Variants in PRDM6 observed in about 807,000 individuals in gnomAD.
PRDM6 encodes the protein putative histone-lysine N-methyltransferase PRDM6.
A neutral mutation model predicts 60.8 loss-of-function variants in PRDM6; 25 were observed. The observed-to-expected ratio is 0.41, with a 90% confidence interval of 0.30 to 0.57. The LOEUF is 0.57. Ranked by LOEUF, PRDM6 falls within the 20% of genes least tolerant of loss-of-function variation. PRDM6 has a pLI of 0.27. For missense variants in PRDM6, 839 were observed against 821.3 expected, an observed-to-expected ratio of 1.02 and a Z score of -0.26; for synonymous variants, 407 against 357.4, an observed-to-expected ratio of 1.14 and a Z score of -1.57.
At chr5:123,156,462 G>A (rs1273130819) in intron 4 of PRDM6, among the ~76,000 whole-genome samples, 2 of 152,158 alleles carry the variant, frequency 1.3e-5, no homozygotes, top group Admixed American at 6.5e-5. Context: ...CCAAGAACTC[G>A]CTACCTTCCC....
rs1766306886 is a variant in PRDM6 at position 123,187,174 on chromosome 5, G to C, written c.1761G>C (p.Glu587Asp). Reference protein sequence around the residue: ...RMPNECKPITESPESIEVD With the variant: ...RMPNECKPITDSPESIEVD ...CCAATGAGTGCAAGCCAATAACTGA[G>C]AGCCCAGAATCAATCGAAGTGGATT... The change falls in exon 8 of 8, where the codon GAG (glutamate) becomes GAC (aspartate). Residue 587 changes from glutamate to aspartate, a missense_variant. Glu to Asp is a conservative substitution (Grantham distance 45, BLOSUM62 2). Transcript: ENST00000407847. The C allele has an allele frequency of 3.2e-6, 5 of 1,551,326 alleles. No homozygotes were observed. Among genetic ancestry groups the C allele is most frequent in the Non-Finnish European group, 4.4e-6 (5 of 1,146,808 alleles).
chr5:123,119,084 T>G (rs1764521459), intron 3 of PRDM6, among the ~76,000 whole-genome samples: 1 of 152,098 alleles, frequency 6.6e-6, no homozygotes, highest in Non-Finnish European at 1.5e-5. Flanking sequence ...ATGGTGTTCA[T>G]ATGATAGTAG....
In PRDM6 at chr5:123,096,654, T is replaced by C. The variant is rs1763965838; in HGVS notation, c.593-3000T>C. 3.3e-5 allele frequency among the ~76,000 whole-genome samples: 5 copies of C among 152,372 alleles called. No individual in the cohort carries two copies. In the South Asian group the frequency reaches 1.0e-3, roughly 32 times the overall value. ...GACTAATTAAAGTTGATTGACTTTG[T>C]CTAGCCTGCTGTGGACCTAACACAC... On this transcript the variant is annotated intron_variant, in intron 2 of 7. Coordinates refer to ENST00000407847, the MANE Select transcript of PRDM6 (RefSeq NM_001136239.4).
intron 7 of PRDM6, among the ~76,000 whole-genome samples, chr5:123,186,137 G>A (rs141702883): frequency 1.4e-4 from 21 of 152,310 alleles, no homozygotes; most frequent in African/African-American, 5.1e-4. Flanking sequence ...CGCTGTCTGT[G>A]CCCAGCCAGC....
chr5:123,178,566 C>A (rs1182160440), intron 6 of PRDM6, among the ~76,000 whole-genome samples: 2 of 152,002 alleles, frequency 1.3e-5, no homozygotes, highest in African/African-American at 4.8e-5. Context: ...AACTCCTTAC[C>A]AAAGACTTTT....
At chr5:123,182,663 T>G (rs1766190800) in intron 7 of PRDM6, among the ~76,000 whole-genome samples, 1 of 152,246 alleles carries the variant, frequency 6.6e-6, no homozygotes, top group Non-Finnish European at 1.5e-5. Flanking sequence ...CTTTGCTGAT[T>G]GTATTTTTCC....
chr5:123,146,940 TAATA>T (rs1402678266), intron 3 of PRDM6, among the ~76,000 whole-genome samples: 3 of 152,194 alleles, frequency 2.0e-5, no homozygotes, highest in African/African-American at 7.2e-5. Flanking sequence ...AAATGGCACT[TAATA>T]AATAAAAGAA....
At chr5:123,142,889 A>AAC in intron 3 of PRDM6, among the ~76,000 whole-genome samples, 1 of 148,818 alleles carries the variant, frequency 6.7e-6, no homozygotes, top group Non-Finnish European at 1.5e-5. Context: ...AAAAAAAAAA[A>AAC]AAAAAAAAAA....
In PRDM6 at chr5:123,180,172, C is replaced by G; in HGVS notation, c.1522C>G (p.Gln508Glu). The G allele has an allele frequency of 6.4e-7, 1 of 1,551,338 alleles. No individual in the cohort carries two copies. The highest frequency in any genetic ancestry group is 8.7e-7 in the Non-Finnish European group (1 of 1,146,540). ...ACCCTACCAATGCGGCCACTGCTCC[C>G]AGTCCTTTTCCCAGCCTTCAGAACT... ...DRPYQCGHCSQSFSQPSELRN... is the reference protein window; with the variant it reads ...DRPYQCGHCSESFSQPSELRN... Residue 508 changes from glutamine to glutamate, a missense_variant, in exon 7 of 8, where the codon CAG becomes GAG. Physicochemically the swap from Gln to Glu is conservative, Grantham distance 29 (BLOSUM62 2). This residue lies in a region of PRDM6 where 109 missense variants were observed against 172.6 expected (regional missense o/e 0.63). Coordinates refer to ENST00000407847, the MANE Select transcript of PRDM6 (RefSeq NM_001136239.4).
At position 123,187,356 on chromosome 5, in the gene PRDM6, C is replaced by A; in HGVS notation, c.*155C>A. The A allele has an allele frequency of 1.8e-6, 1 of 545,352 alleles. No homozygotes were observed. 33.8% of individuals were successfully genotyped at this position (545,352 alleles called of 1,614,324 possible). On this transcript the variant is annotated 3_prime_UTR_variant, in exon 8 of 8. Coordinates refer to ENST00000407847, the MANE Select transcript of PRDM6 (RefSeq NM_001136239.4). ...AAGTAAGATGTTAAGAGATATTGAT[C>A]CTGGCATGGAAGTCAGACCAGGAAA...
At chr5:123,110,702 G>A (rs1764293961) in intron 3 of PRDM6, among the ~76,000 whole-genome samples, 1 of 151,742 alleles carries the variant, frequency 6.6e-6, no homozygotes, top group Non-Finnish European at 1.5e-5. Flanking sequence ...GAGTAGCTGG[G>A]ATTACAGGCA....
intron 6 of PRDM6, among the ~76,000 whole-genome samples, chr5:123,178,319 CAATT>C (rs1489756479): frequency 6.6e-6 from 1 of 152,006 alleles, no homozygotes; most frequent in Non-Finnish European, 1.5e-5. Context: ...TTAGAAAAAT[CAATT>C]GTCAGTGAAT....
chr5:123,127,696 CTCTTTCTTTCTTTCTCTT>C (rs1440979249), intron 3 of PRDM6, among the ~76,000 whole-genome samples: 5 of 150,792 alleles, frequency 3.3e-5, no homozygotes, highest in African/African-American at 1.2e-4. Context: ...TCTTTTCTTT[CTCTTTCTTTCTTTCTCTT>C]TCTTTCTTTC....
rs189010544 is a variant in PRDM6 at position 123,139,842 on chromosome 5, G to A, written c.901-16042G>A. Reference sequence around the variant, plus strand: ...GATGTGGTTGGAGAGGAGCATGAGGGATGGGGTGGGTGATGTGGGAGTACG... The same window carrying A: ...GATGTGGTTGGAGAGGAGCATGAGGAATGGGGTGGGTGATGTGGGAGTACG... On this transcript the variant is annotated intron_variant, in intron 3 of 7. Transcript: ENST00000407847. 2.2e-3 allele frequency among the ~76,000 whole-genome samples: 338 copies of A among 152,246 alleles called. 1 individual carries two copies. Among genetic ancestry groups the A allele is most frequent in the African/African-American group, 5.8e-3 (241 of 41,566 alleles).
chr5:123,150,082 T>A (rs556016205), intron 3 of PRDM6, among the ~76,000 whole-genome samples: 4 of 152,356 alleles, frequency 2.6e-5, no homozygotes, highest in African/African-American at 9.6e-5. Flanking sequence ...AGGCTGGCTA[T>A]GTTCTTTGAG....
chr5:123,115,564 T>C (rs1230931841), intron 3 of PRDM6, among the ~76,000 whole-genome samples: 1 of 152,196 alleles, frequency 6.6e-6, no homozygotes, highest in Non-Finnish European at 1.5e-5. Context: ...AATGGAATTT[T>C]GAAAGTGTAG....
chr5:123,135,557 G>A (rs1346121564), intron 3 of PRDM6, among the ~76,000 whole-genome samples: 1 of 152,090 alleles, frequency 6.6e-6, no homozygotes, highest in Non-Finnish European at 1.5e-5. Flanking sequence ...TGCTATAGAT[G>A]GGAAGTTAGT....
At chr5:123,156,132 A>C (rs1394568489) in intron 4 of PRDM6, 121 bp downstream of exon 4, 4 of 775,504 alleles carry the variant, frequency 5.2e-6, no homozygotes, top group Non-Finnish European at 7.5e-6. Context: ...ACTGGCAGAC[A>C]TTTTTTTTTT....
chr5:123,133,756 G>A (rs1764890239), intron 3 of PRDM6, among the ~76,000 whole-genome samples: 3 of 151,512 alleles, frequency 2.0e-5, no homozygotes, highest in Admixed American at 2.0e-4. Context: ...TACCACAAGT[G>A]TGACAGCAAA....
Sources: gnomAD v4.1 joint callset for allele counts (sites outside exome capture counted in the v4.1 genomes callset) on GRCh38, gnomAD v4.1.1 for gene constraint, gnomAD v4.1.1 regional missense constraint, MANE v1.5 for transcripts, NCBI Gene and HGNC (gene_info 2026-07-23, HGNC 2026-07-21) for gene names.